The following ACACB variants were observed in gnomAD, a reference collection of about 807,000 sequenced individuals.
ACACB encodes acetyl-CoA carboxylase beta, also known as acetyl-CoA carboxylase 2.
ACACB carries 209 observed loss-of-function variants against 278.8 expected under a neutral mutation model. That is an observed-to-expected ratio of 0.75 (90% CI 0.67 to 0.84). The LOEUF is 0.84. Among genes scored for constraint, ACACB ranks in the 40% least tolerant of loss-of-function variants. The pLI, the probability that ACACB is intolerant of heterozygous loss-of-function variation, is 0.00. For missense variants in ACACB, 2,850 were observed against 3,269.0 expected (o/e 0.87, Z 3.13); for synonymous variants, 1,174 against 1,285.6 (o/e 0.91, Z 1.86).
chr12:109,160,834 C>CT (rs1474857861), intron 2 of ACACB, among the ~76,000 whole-genome samples: 2 of 152,212 alleles, frequency 1.3e-5, no homozygotes, highest in Non-Finnish European at 2.9e-5. Context: ...TGTGGCCTGC[C>CT]TGATGGAGGG....
intron 1 of ACACB, among the ~76,000 whole-genome samples, chr12:109,135,808 CTTTT>C (rs59597788): frequency 8.5e-6 from 1 of 117,272 alleles, no homozygotes; most frequent in Admixed American, 9.0e-5. Flanking sequence ...AGAGGTAATA[CTTTT>C]TTTTTTTTTT....
chr12:109,216,678 C>G lies in ACACB; in HGVS notation c.3411C>G (p.Tyr1137Ter). 6.2e-7 allele frequency: 1 copy of G among 1,614,208 alleles called. No homozygotes were observed. ...KTVVLDLLRRYLRVEHHFQQA... is the reference protein window; with the variant it reads ...KTVVLDLLRR The stretch of plus-strand genomic sequence containing the variant: ...TGGTGTTGGATCTCCTGAGAAGATA[C>G]TTGCGTGTTGAGCACCATTTTCAGC... Residue 1137 changes from tyrosine (Y) to a stop codon, truncating the protein, a stop_gained, in exon 23 of 53, where the codon TAC becomes TAG. Coordinates refer to ENST00000338432, the MANE Select transcript of ACACB (RefSeq NM_001093.4). LOFTEE classifies it high-confidence loss of function.
At position 109,161,535 on chromosome 12, in the gene ACACB, G is replaced by A. The variant is rs6606695; in HGVS notation, c.654-5326G>A. Among the ~76,000 whole-genome samples, 5 of 151,728 alleles carry A rather than the reference G, an allele frequency of 3.3e-5. No homozygotes were observed. The South Asian group carries it at 1.0e-3, about 31-fold the overall frequency. On this transcript the variant is annotated intron_variant, in intron 2 of 52. Coordinates refer to ENST00000338432, the MANE Select transcript of ACACB (RefSeq NM_001093.4). ...TCCAGCCTGGGCGACAGAGTGAGAC[G>A]CAGTCTCAGAAAAATAAAATAAAAT...
chr12:109,235,924 G>A, intron 33 of ACACB: 2 of 374,502 alleles, frequency 5.3e-6, no homozygotes, highest in Non-Finnish European at 9.6e-6. Flanking sequence ...GCTTGAACCT[G>A]GGAAATAGAG....
chr12:109,161,434 T>A (rs2043718806), intron 2 of ACACB, among the ~76,000 whole-genome samples: 1 of 151,936 alleles, frequency 6.6e-6, no homozygotes, highest in Non-Finnish European at 1.5e-5. Context: ...CCCTAGTTGC[T>A]CGGGAGGCTG....
chr12:109,201,700 C>G lies in ACACB; in HGVS notation c.2912C>G (p.Pro971Arg). Reference sequence around the variant, plus strand: ...CTCGATGACCCTTCTAAAGTCCACCCGGTATGTGGCTCCACGGCCCAAGTG... The same window carrying G: ...CTCGATGACCCTTCTAAAGTCCACCGGGTATGTGGCTCCACGGCCCAAGTG... The part of the protein sequence containing the change: ...LELDDPSKVH[P>R]AEPFTGELPA... Residue 971 changes from proline to arginine, a missense_variant and splice_region_variant, in exon 19 of 53, where the codon CCG becomes CGG. Physicochemically the swap from Pro to Arg is moderately radical, Grantham distance 103 (BLOSUM62 -2). This residue lies in a region of ACACB where 2,265 missense variants were observed against 2,561.3 expected (regional missense o/e 0.88). Transcript: ENST00000338432. 4.3e-6 allele frequency: 7 copies of G among 1,613,658 alleles called. No homozygotes were observed. Among genetic ancestry groups the G allele is most frequent in the Non-Finnish European group, 5.9e-6 (7 of 1,179,816 alleles).
intron 29 of ACACB, 71 bp from the exon 30 acceptor site, chr12:109,233,677 G>A (rs2046544629): frequency 1.5e-6 from 2 of 1,341,020 alleles, no homozygotes; most frequent in East Asian, 4.6e-5. Flanking sequence ...CCTGCTGCCT[G>A]GCTTGGAAGC....
intron 33 of ACACB, chr12:109,236,484 C>T (rs951364503): frequency 6.6e-6 from 1 of 152,484 alleles, no homozygotes; most frequent in Admixed American, 6.5e-5. Flanking sequence ...CAGCCACACC[C>T]GTTGGATTCC....
chr12:109,260,659 T>C lies in ACACB; in HGVS notation c.6674+2T>C. 1 of 1,561,080 alleles carries C rather than the reference T, an allele frequency of 6.4e-7. No individual in the cohort carries two copies. The highest frequency in any genetic ancestry group is 8.7e-7 in the Non-Finnish European group (1 of 1,154,410). ...AATGTATGCAGACAAAGAGAGCAGG[T>C]GGGTGTGTTGCCCTTAGCCTGGCTT... On this transcript the variant is annotated splice_donor_variant, in intron 48 of 52. Coordinates refer to ENST00000338432, the MANE Select transcript of ACACB (RefSeq NM_001093.4). LOFTEE classifies it high-confidence loss of function.
In ACACB at chr12:109,232,979, A is replaced by G. The variant is rs78761086; in HGVS notation, c.4139+173A>G. Among the ~76,000 whole-genome samples the G allele has an allele frequency of 7.1e-3, 1,078 of 152,304 alleles. 6 individuals carry two copies. The highest frequency in any genetic ancestry group is 0.017 in the Middle Eastern group (5 of 294). ...ATTGTAGCCAAGAGTATGAGCCTAC[A>G]TGTCAGCTTGCCTGGCACAGCACAT... On this transcript the variant is annotated intron_variant, in intron 29 of 52. Coordinates refer to ENST00000338432, the MANE Select transcript of ACACB (RefSeq NM_001093.4).
At chr12:109,174,111 T>C (rs781592289) in intron 6 of ACACB, 21 bp from the exon 7 acceptor site, 1 of 1,596,210 alleles carries the variant, frequency 6.3e-7, no homozygotes, top group Non-Finnish European at 8.5e-7. Context: ...TCTGCTTCCC[T>C]TCTTGTCCCC....
intron 44 of ACACB, 28 bp from the exon 45 acceptor site, chr12:109,256,112 G>A: frequency 6.2e-7 from 1 of 1,603,960 alleles, no homozygotes. Flanking sequence ...TGGCCCTCCA[G>A]CCTGGGCTTC....
chr12:109,130,772 C>T (rs529148457), intron 1 of ACACB, among the ~76,000 whole-genome samples: 81 of 152,248 alleles, frequency 5.3e-4, no homozygotes, highest in African/African-American at 1.4e-3. Flanking sequence ...AAGGACATTG[C>T]GCCACTTGCT....
Position 109,265,263 on chromosome 12 carries a change from A to G in ACACB, c.7096A>G (p.Thr2366Ala), listed in dbSNP as rs2047484719. The change falls in exon 51 of 53, where the codon ACG (threonine) becomes GCG (alanine). Residue 2366 changes from threonine (T) to alanine (A), a missense_variant. This residue lies in a region of ACACB where 579 missense variants were observed against 684.6 expected (regional missense o/e 0.85). Transcript: ENST00000338432. ...QSMLRRWFVE[T>A]EGAVKAYLWD... ...CATGCTGCGTCGCTGGTTCGTGGAG[A>G]CGGAGGGGGCTGTCAAGGTGGGCCT... 6.2e-7 allele frequency: 1 copy of G among 1,612,906 alleles called. No homozygotes were observed. The highest frequency in any genetic ancestry group is 1.1e-5 in the South Asian group (1 of 91,070).
intron 2 of ACACB, among the ~76,000 whole-genome samples, chr12:109,157,498 T>C (rs1430006561): frequency 6.6e-6 from 1 of 152,080 alleles, no homozygotes; most frequent in Non-Finnish European, 1.5e-5. Flanking sequence ...TCTTGAACTC[T>C]TGAGCTAAGC....
intron 24 of ACACB, among the ~76,000 whole-genome samples, chr12:109,221,608 C>T (rs1488729287): frequency 2.0e-5 from 3 of 152,148 alleles, no homozygotes; most frequent in South Asian, 4.1e-4. Flanking sequence ...AAACCGTGAG[C>T]GCCTTAAGTC....
chr12:109,256,210 G>A lies in ACACB; in HGVS notation c.6237G>A (p.Ala2079=), dbSNP rs1193631120. The change falls in exon 45 of 53, where the codon GCG becomes GCA. Residue 2079 remains alanine (A), a synonymous_variant. Transcript: ENST00000338432. ...TCAAGGAAATCATGGCACCCTGGGC[G>A]CAGACCGTGGTGACAGGACGAGCAA... ...GSFKEIMAPW[A]QTVVTGRARL... The A allele has an allele frequency of 5.6e-6, 9 of 1,613,832 alleles. No homozygotes were observed. The highest frequency in any genetic ancestry group is 3.3e-5 in the Admixed American group (2 of 60,022).
At position 109,264,253 on chromosome 12, in the gene ACACB, A is replaced by G; in HGVS notation, c.6809A>G (p.Lys2270Arg). The change falls in exon 50 of 53, where the codon AAG becomes AGG. Residue 2270 changes from lysine to arginine, a missense_variant. Transcript: ENST00000338432. The part of the protein sequence containing the change: ...EQLGEPDLSD[K>R]DRKDLEGRLK... ...GCAGGGGAACCTGATCTCTCCGACAAGGACCGAAAGGACCTGGAGGGCCGG... is the reference window on the plus strand; with the variant it reads ...GCAGGGGAACCTGATCTCTCCGACAGGGACCGAAAGGACCTGGAGGGCCGG... The G allele has an allele frequency of 6.2e-7, 1 of 1,614,112 alleles. No homozygotes were observed. The highest frequency in any genetic ancestry group is 8.5e-7 in the Non-Finnish European group (1 of 1,180,032).
At chr12:109,184,533 A>G (rs1299178910) in intron 11 of ACACB, among the ~76,000 whole-genome samples, 1 of 152,122 alleles carries the variant, frequency 6.6e-6, no homozygotes, top group Non-Finnish European at 1.5e-5. Flanking sequence ...CATTCACATT[A>G]AATATTTTCC....
Sources: allele counts gnomAD v4.1 joint callset (sites outside exome capture counted in the v4.1 genomes callset), GRCh38; gene constraint gnomAD v4.1.1; regional missense constraint gnomAD v4.1.1; transcripts MANE v1.5; gene names NCBI Gene and HGNC (gene_info 2026-07-23, HGNC 2026-07-21).